PALM2AKAP2: variants seen among roughly 807,000 people sequenced by gnomAD.
PALM2AKAP2 encodes PALM2-AKAP2 fusion protein.
A neutral mutation model predicts 71.5 loss-of-function variants in PALM2AKAP2; 37 were observed. The observed-to-expected ratio is 0.52, with a 90% confidence interval of 0.40 to 0.68. PALM2AKAP2 has a LOEUF of 0.68. PALM2AKAP2 is among the 30% of genes least tolerant of loss of function. The probability of loss-of-function intolerance (pLI) is 0.00; values close to 1 mark genes in which losing one functional copy is unlikely to be tolerated. For missense variants in PALM2AKAP2, 1,224 were observed against 1,191.8 expected (o/e 1.03, Z -0.40); for synonymous variants, 468 against 478.8 (o/e 0.98, Z 0.29).
chr9:110,050,214 A>T (rs539873540), intron 1 of PALM2AKAP2, among the ~76,000 whole-genome samples: 15 of 152,328 alleles, frequency 9.8e-5, no homozygotes, highest in Non-Finnish European at 2.1e-4. Flanking sequence ...GGAATCTGTG[A>T]ACAAGCCCAT....
At chr9:109,644,889 A>G (rs1827126475) in intron 1 of PALM2AKAP2, among the ~76,000 whole-genome samples, 1 of 152,176 alleles carries the variant, frequency 6.6e-6, no homozygotes, top group Non-Finnish European at 1.5e-5. Context: ...CATTGTCCAT[A>G]TCGTTATCAG....
At position 109,966,260 on chromosome 9, in the gene PALM2AKAP2, T is replaced by C. The variant is rs112861407; in HGVS notation, c.496+34232T>C. On this transcript the variant is annotated intron_variant, in intron 6 of 9. Transcript: ENST00000302798. ...AGCCAGGGCAGTGTTGCACAAGTCC[T>C]AGACTAAACTAGGATGGTGGCTGTG... Among the ~76,000 whole-genome samples the C allele has an allele frequency of 3.3e-3, 497 of 152,336 alleles. 3 individuals are homozygous for C. The highest frequency in any genetic ancestry group is 0.012 in the African/African-American group (482 of 41,566).
intron 7 of PALM2AKAP2, among the ~76,000 whole-genome samples, chr9:110,040,331 C>A (rs551253584): frequency 1.4e-4 from 21 of 152,266 alleles, no homozygotes; most frequent in Non-Finnish European, 5.9e-5. Flanking sequence ...TGTATATAAA[C>A]ATAATATGCC....
At chr9:109,858,839 G>A (rs891228379) in intron 1 of PALM2AKAP2, among the ~76,000 whole-genome samples, 2 of 152,130 alleles carry the variant, frequency 1.3e-5, no homozygotes, top group African/African-American at 4.8e-5. Context: ...GGAAACCAAA[G>A]TGAAGCACTC....
At chr9:110,144,899 G>C (rs1048294745) in intron 2 of PALM2AKAP2, among the ~76,000 whole-genome samples, 1 of 152,142 alleles carries the variant, frequency 6.6e-6, no homozygotes, top group Non-Finnish European at 1.5e-5. Flanking sequence ...AGTTGCCCAA[G>C]GTCACTCAGC....
At chr9:109,996,659 C>T (rs1588050144) in intron 6 of PALM2AKAP2, among the ~76,000 whole-genome samples, 1 of 152,252 alleles carries the variant, frequency 6.6e-6, no homozygotes, top group Non-Finnish European at 1.5e-5. Context: ...CTGACCCACT[C>T]TCAGATGCTA....
intron 1 of PALM2AKAP2, among the ~76,000 whole-genome samples, chr9:109,746,120 C>T (rs1056508440): frequency 1.3e-5 from 2 of 152,128 alleles, no homozygotes; most frequent in African/African-American, 4.8e-5. Flanking sequence ...TCGGGCCTTG[C>T]CTTATATGGA....
At chr9:109,839,513 A>G (rs1222373558) in intron 1 of PALM2AKAP2, among the ~76,000 whole-genome samples, 2 of 152,196 alleles carry the variant, frequency 1.3e-5, no homozygotes, top group Non-Finnish European at 2.9e-5. Flanking sequence ...CCTATTCAAC[A>G]TAGTGTTGGA....
intron 7 of PALM2AKAP2, among the ~76,000 whole-genome samples, chr9:110,023,263 T>TC (rs1397478899): frequency 9.3e-5 from 14 of 151,072 alleles, no homozygotes; most frequent in South Asian, 8.4e-4. Flanking sequence ...TTTTTAATGA[T>TC]CCCCATTCTA....
chr9:109,810,093 CA>C lies in PALM2AKAP2; in HGVS notation c.45+29562del, dbSNP rs544785223. On this transcript the variant is annotated intron_variant, in intron 1 of 9. Coordinates refer to the PALM2AKAP2 transcript ENST00000302798. ...ATAATCACATTGATAATTAGGTTTT[CA>C]ACATATAAATTTGGCTGGTGGTGGT... Among the ~76,000 whole-genome samples the C allele has an allele frequency of 2.6e-5, 4 of 152,272 alleles. No homozygotes were observed. In the South Asian group the frequency reaches 8.3e-4, roughly 32 times the overall value.
At chr9:109,687,236 A>C (rs1369270133) in intron 1 of PALM2AKAP2, among the ~76,000 whole-genome samples, 2 of 152,166 alleles carry the variant, frequency 1.3e-5, no homozygotes, top group Non-Finnish European at 2.9e-5. Flanking sequence ...ATTAGCCCCC[A>C]AAAAGAGAGT....
intron 6 of PALM2AKAP2, among the ~76,000 whole-genome samples, chr9:109,955,876 G>A (rs1831737418): frequency 6.6e-6 from 1 of 151,792 alleles, no homozygotes; most frequent in South Asian, 2.1e-4. Context: ...GGCGGAGGTT[G>A]CAGTGAGCCG....
At chr9:109,792,588 TG>T (rs1827145431) in intron 1 of PALM2AKAP2, among the ~76,000 whole-genome samples, 2 of 152,066 alleles carry the variant, frequency 1.3e-5, no homozygotes, top group African/African-American at 4.8e-5. Flanking sequence ...TCATTCTGCT[TG>T]GGGCTACCTT....
chr9:110,137,386 T>C, exon 2 of PALM2AKAP2: 1 of 1,613,982 alleles, frequency 6.2e-7, no homozygotes, highest in Non-Finnish European at 8.5e-7. Flanking sequence ...CAGAAGACAG[T>C]GGTGCCTCAG....
At chr9:109,953,164 T>A (rs1051426400) in intron 6 of PALM2AKAP2, among the ~76,000 whole-genome samples, 1 of 152,202 alleles carries the variant, frequency 6.6e-6, no homozygotes, top group Admixed American at 6.5e-5. Flanking sequence ...TCCATATAGT[T>A]CAACCTCATA....
chr9:110,132,061 G>C (rs939509771), intron 1 of PALM2AKAP2, among the ~76,000 whole-genome samples: 7 of 148,588 alleles, frequency 4.7e-5, no homozygotes, highest in African/African-American at 1.8e-4. Flanking sequence ...GTGTGTGTGT[G>C]TGTGTGTGTG....
intron 1 of PALM2AKAP2, among the ~76,000 whole-genome samples, chr9:109,766,547 A>C (rs1829157822): frequency 6.6e-6 from 1 of 152,180 alleles, no homozygotes; most frequent in African/African-American, 2.4e-5. Flanking sequence ...TTGTGAAATC[A>C]CCCTTAAGGC....
At chr9:109,813,062 A>C (rs541242623) in intron 1 of PALM2AKAP2, among the ~76,000 whole-genome samples, 2 of 152,378 alleles carry the variant, frequency 1.3e-5, no homozygotes, top group Admixed American at 1.3e-4. Flanking sequence ...ATTTTTAAAA[A>C]TGATTGCAGG....
chr9:109,674,235 C>T (rs191070257), intron 1 of PALM2AKAP2, among the ~76,000 whole-genome samples: 2 of 151,900 alleles, frequency 1.3e-5, no homozygotes, highest in East Asian at 3.9e-4. Flanking sequence ...TCATCATATC[C>T]ATATATGCCT....
Sources: gnomAD v4.1 joint callset for allele counts (sites outside exome capture counted in the v4.1 genomes callset) on GRCh38, gnomAD v4.1.1 for gene constraint, MANE v1.5 for transcripts, NCBI Gene and HGNC (gene_info 2026-07-23, HGNC 2026-07-21) for gene names.